The following CDH13 variants were observed in gnomAD, a reference collection of about 807,000 sequenced individuals.
CDH13 encodes the protein cadherin-13.
In CDH13, 24 loss-of-function variants were observed where a neutral mutation model predicts 63.8. The ratio of observed to expected loss-of-function variants is 0.38; its 90% confidence interval spans 0.27 to 0.53. The LOEUF is 0.53. CDH13 is among the 20% of genes least tolerant of loss of function. CDH13 has a pLI of 0.85. For synonymous variants in CDH13, 503 were observed against 355.3 expected, an observed-to-expected ratio of 1.42 and a Z score of -4.67; for missense variants, 1,049 against 903.1, an observed-to-expected ratio of 1.16 and a Z score of -2.07.
chr16:83,436,191 A>G (rs942640702), intron 6 of CDH13, among the ~76,000 whole-genome samples: 1 of 152,232 alleles, frequency 6.6e-6, no homozygotes, highest in Non-Finnish European at 1.5e-5. Context: ...GTTGCCAAAT[A>G]AAAACTATAG....
At chr16:83,321,247 G>C (rs2090217182) in intron 5 of CDH13, among the ~76,000 whole-genome samples, 1 of 152,202 alleles carries the variant, frequency 6.6e-6, no homozygotes, top group Non-Finnish European at 1.5e-5. Flanking sequence ...CCTGGAATTA[G>C]TGTCTCAAGT....
intron 1 of CDH13, among the ~76,000 whole-genome samples, chr16:82,804,276 TACACACACACACACAC>T (rs140828245): frequency 7.4e-6 from 1 of 135,034 alleles, no homozygotes. Context: ...GGGATCTTGC[TACACACACACACACAC>T]ACACACACAC....
intron 7 of CDH13, among the ~76,000 whole-genome samples, chr16:83,578,465 C>T (rs531969398): frequency 9.4e-4 from 143 of 152,098 alleles, no homozygotes; most frequent in Non-Finnish European, 1.5e-3. Flanking sequence ...ATAAGAGAGA[C>T]GCACAAATGT....
In CDH13 at chr16:83,047,729, G is replaced by A. The variant is rs1917930577; in HGVS notation, c.366+15511G>A. 6.6e-6 allele frequency among the ~76,000 whole-genome samples: 1 copy of A among 152,194 alleles called. No homozygotes were observed. Among genetic ancestry groups the A allele is most frequent in the African/African-American group, 2.4e-5 (1 of 41,450 alleles). ...AATGACTTAGCAAATGCTGGAGACA[G>A]AATGAATATTGATATTAATAATGCA... On this transcript the variant is annotated intron_variant, in intron 3 of 13. Transcript: ENST00000567109. This position sits in a 1 kb window ranked among gnomAD's most constrained non-coding sequence, Gnocchi z 4.9.
intron 1 of CDH13, among the ~76,000 whole-genome samples, chr16:82,733,452 A>G (rs2033506378): frequency 6.6e-6 from 1 of 152,182 alleles, no homozygotes; most frequent in Non-Finnish European, 1.5e-5. Flanking sequence ...AAACATGATC[A>G]TTATCTTCTC....
intron 2 of CDH13, among the ~76,000 whole-genome samples, chr16:82,999,254 C>T (rs7499722): frequency 0.16 from 24,080 of 151,626 alleles, 2,323 homozygotes; most frequent in African/African-American, 0.26. Flanking sequence ...TTGTTTTTTT[C>T]CCCCCTCCTT....
At chr16:82,884,344 G>C (rs1454446539) in intron 2 of CDH13, 1 of 382,418 alleles carries the variant, frequency 2.6e-6, no homozygotes, top group Non-Finnish European at 5.1e-6. Context: ...TTAGAAGAGA[G>C]CTTGGGATTC....
intron 6 of CDH13, among the ~76,000 whole-genome samples, chr16:83,394,330 G>T (rs893830240): frequency 4.6e-5 from 7 of 152,070 alleles, no homozygotes; most frequent in African/African-American, 1.7e-4. Context: ...CTCAAGGAAA[G>T]CTGCTTGTCT....
At chr16:82,694,395 C>CT (rs1176834523) in intron 1 of CDH13, among the ~76,000 whole-genome samples, 2 of 152,160 alleles carry the variant, frequency 1.3e-5, no homozygotes, top group Admixed American at 6.5e-5. Flanking sequence ...ACATTCAGCA[C>CT]TTTTTTCTGT....
intron 7 of CDH13, among the ~76,000 whole-genome samples, chr16:83,595,081 C>G (rs1284956203): frequency 6.6e-6 from 1 of 152,204 alleles, no homozygotes; most frequent in African/African-American, 2.4e-5. Context: ...AGGAGAGCAG[C>G]TTGACTCTCT....
chr16:83,426,317 T>C (rs2071893750), intron 6 of CDH13, among the ~76,000 whole-genome samples: 1 of 152,176 alleles, frequency 6.6e-6, no homozygotes, highest in African/African-American at 2.4e-5. Flanking sequence ...GGTCAGTTTC[T>C]TGGTTTTCAT....
intron 4 of CDH13, among the ~76,000 whole-genome samples, chr16:83,142,082 C>T (rs12597394): frequency 0.24 from 36,559 of 151,564 alleles, 4,480 homozygotes; most frequent in African/African-American, 0.29. Context: ...CGGATATAAC[C>T]GAAACGGGCT....
intron 6 of CDH13, among the ~76,000 whole-genome samples, chr16:83,426,907 C>CTTT (rs71148833): frequency 0.035 from 2,220 of 63,128 alleles, 351 homozygotes; most frequent in Middle Eastern, 0.077. Context: ...ATGTTTCTTT[C>CTTT]TTTTTTTTTT....
rs781321610 is a variant in CDH13, at chr16:83,404,076, C to T, written c.781+59070C>T. On this transcript the variant is annotated intron_variant, in intron 6 of 13. Transcript: ENST00000567109. The stretch of plus-strand genomic sequence containing the variant: ...TCATAATCATTGCAGATTAAAAATC[C>T]CACAAAAAATGTTCATACAAGGAGT... Among the ~76,000 whole-genome samples the T allele has an allele frequency of 7.9e-5, 12 of 152,040 alleles. 1 individual carries two copies. Among genetic ancestry groups the T allele is most frequent in the Non-Finnish European group, 1.0e-4 (7 of 68,010 alleles).
chr16:83,278,566 A>C (rs2089064554), intron 5 of CDH13, among the ~76,000 whole-genome samples: 1 of 152,322 alleles, frequency 6.6e-6, no homozygotes, highest in Non-Finnish European at 1.5e-5. Context: ...GGGAAGGGAA[A>C]CATACAACAG....
intron 3 of CDH13, among the ~76,000 whole-genome samples, chr16:83,051,448 T>C (rs2030327963): frequency 6.6e-6 from 1 of 152,232 alleles, no homozygotes; most frequent in Admixed American, 6.5e-5. Flanking sequence ...GCCAAACAAA[T>C]GCTAGATACC....
At chr16:83,756,297 T>A (rs1913501132) in intron 11 of CDH13, among the ~76,000 whole-genome samples, 2 of 152,170 alleles carry the variant, frequency 1.3e-5, no homozygotes, top group Admixed American at 1.3e-4. Flanking sequence ...TTTCAAGTAA[T>A]ATTATCAGAC....
Position 83,447,575 on chromosome 16 carries a change from G to C in CDH13, c.782-38902G>C, listed in dbSNP as rs1295817375. Among the ~76,000 whole-genome samples the C allele has an allele frequency of 1.3e-5, 2 of 152,142 alleles. 1 individual carries two copies. Among genetic ancestry groups the C allele is most frequent in the Admixed American group, 1.3e-4 (2 of 15,292 alleles). On this transcript the variant is annotated intron_variant, in intron 6 of 13. Transcript: ENST00000567109. ...GAGCTGGGCGGGGCAGATGATACCA[G>C]ATCTTTAGCAAGATGAGTTTCACAC...
chr16:83,541,067 C>T (rs552274858), intron 7 of CDH13, among the ~76,000 whole-genome samples: 3 of 152,146 alleles, frequency 2.0e-5, no homozygotes, highest in African/African-American at 7.2e-5. Flanking sequence ...ATGTTCACTC[C>T]CGCTCAATCC....
Sources: allele counts gnomAD v4.1 joint callset (sites outside exome capture counted in the v4.1 genomes callset), GRCh38; gene constraint gnomAD v4.1.1; non-coding constraint Gnocchi (gnomAD v3.1); transcripts MANE v1.5; gene names NCBI Gene and HGNC (gene_info 2026-07-23, HGNC 2026-07-21).